The following TANC1 variants were observed in gnomAD, a reference collection of about 807,000 sequenced individuals.
TANC1 encodes protein TANC1.
Under a neutral mutation model 149.7 loss-of-function variants are expected in TANC1, and 77 were observed. The ratio of observed to expected loss-of-function variants is 0.51; its 90% CI spans 0.43 to 0.62. TANC1 has a LOEUF of 0.62. Ranked by LOEUF, TANC1 falls within the 20% of genes least tolerant of loss-of-function variation. The probability of loss-of-function intolerance (pLI) is 0.00; values close to 1 mark genes in which losing one functional copy is unlikely to be tolerated. For synonymous variants in TANC1, 854 were observed against 925.0 expected (o/e 0.92, Z 1.39); for missense variants, 1,985 against 2,321.8 (o/e 0.85, Z 2.98).
At chr2:159,077,527 A>T in intron 3 of TANC1, among the ~76,000 whole-genome samples, 1 of 152,234 alleles carries the variant, frequency 6.6e-6, no homozygotes, top group East Asian at 1.9e-4. Flanking sequence ...ATGTATGTGC[A>T]TATGGACACA....
intron 8 of TANC1, among the ~76,000 whole-genome samples, chr2:159,166,358 T>C (rs1042644665): frequency 1.3e-5 from 2 of 152,198 alleles, no homozygotes; most frequent in African/African-American, 2.4e-5. Flanking sequence ...ATGTTCTTCT[T>C]TGTTCAGCTT....
At position 159,230,908 on chromosome 2, in the gene TANC1, C is replaced by T. The variant is rs1172529359; in HGVS notation, c.5482C>T (p.Gln1828Ter). 8.7e-6 allele frequency: 14 copies of T among 1,614,052 alleles called. No individual in the cohort carries two copies. Among genetic ancestry groups the T allele is most frequent in the Non-Finnish European group, 1.2e-5 (14 of 1,180,038 alleles). Residue 1828 changes from glutamine (Q) to a stop codon, truncating the protein, a stop_gained, in exon 27 of 27, where the codon CAG (glutamine) becomes TAG (stop). Transcript: ENST00000263635. LOFTEE classifies it high-confidence loss of function. The surrounding 1 kb of genome is among the most constrained non-coding windows in gnomAD (Gnocchi z 4.4). ...AACTAAGACTGTTTCTCATCTGTACCAGGAAAGTATCTCCAAACAGCAGCC... is the reference window on the plus strand; with the variant it reads ...AACTAAGACTGTTTCTCATCTGTACTAGGAAAGTATCTCCAAACAGCAGCC... Reference protein sequence around the residue: ...RITKTVSHLYQESISKQQPHI... With the variant: ...RITKTVSHLY
chr2:159,063,085 T>G (rs1027626453), intron 2 of TANC1, among the ~76,000 whole-genome samples: 1 of 151,524 alleles, frequency 6.6e-6, no homozygotes, highest in Non-Finnish European at 1.5e-5. Context: ...AGCCAGACAG[T>G]TGTGTGAACT....
intron 3 of TANC1, among the ~76,000 whole-genome samples, chr2:159,084,317 T>C (rs1018318964): frequency 1.3e-5 from 2 of 152,162 alleles, no homozygotes; most frequent in African/African-American, 4.8e-5. Flanking sequence ...AATACAGGCC[T>C]GGGAAAGACC....
In TANC1 at chr2:159,219,856, G is replaced by A. The variant is rs372839518; in HGVS notation, c.3667G>A (p.Asp1223Asn). The A allele has an allele frequency of 2.6e-5, 42 of 1,612,954 alleles. No homozygotes were observed. Among genetic ancestry groups the A allele is most frequent in the Middle Eastern group, 1.9e-4 (1 of 5,240 alleles). ...CTTGGACCTGGCTGCCTTCTATGGC[G>A]ATGCCGAGACTGTGAGTACCAGCAG... The part of the protein sequence containing the change: ...TPLDLAAFYG[D>N]AETVLYLVEK... Residue 1223 changes from aspartate to asparagine, a missense_variant, in exon 22 of 27, where the codon GAT becomes AAT. Asp to Asn is a conservative substitution (Grantham distance 23, BLOSUM62 1). Coordinates refer to ENST00000263635, the MANE Select transcript of TANC1 (RefSeq NM_033394.3).
chr2:159,229,569 C>G lies in TANC1; in HGVS notation c.4152-9C>G, dbSNP rs755205290. 1.9e-6 allele frequency: 3 copies of G among 1,604,646 alleles called. No individual in the cohort carries two copies. Among genetic ancestry groups the G allele is most frequent in the Admixed American group, 1.7e-5 (1 of 58,484 alleles). On this transcript the variant is annotated splice_polypyrimidine_tract_variant and intron_variant, in intron 26 of 26. Coordinates refer to ENST00000263635, the MANE Select transcript of TANC1 (RefSeq NM_033394.3). ...GGTTTGTAATGTTACCTTACATTTT[C>G]CTACAAAGGCAATTCGTGGCAGCTC...
rs141755986 is a variant in TANC1 at position 159,024,579 on chromosome 2, C to T, written c.-16+23390C>T. Among the ~76,000 whole-genome samples the T allele has an allele frequency of 4.6e-5, 7 of 152,072 alleles. No individual in the cohort carries two copies. In the East Asian group the frequency reaches 5.8e-4, roughly 13 times the overall value. On this transcript the variant is annotated intron_variant, in intron 2 of 26. Transcript: ENST00000263635. ...CAGCCTGGCCAATATGGTGAAACCC[C>T]GTCTCTACTAAAAATATAAAAATTA... is the stretch of plus-strand genomic sequence containing the variant.
rs1227929794 is a variant in TANC1 at position 159,113,246 on chromosome 2, T to C, written c.259+15412T>C. On this transcript the variant is annotated intron_variant, in intron 4 of 26. Coordinates refer to ENST00000263635, the MANE Select transcript of TANC1 (RefSeq NM_033394.3). The stretch of plus-strand genomic sequence containing the variant: ...GTGCTGGGATTATGGGCATGAGAAG[T>C]TTAAGCAAATCTTAGCTGCATTAGA... Among the ~76,000 whole-genome samples the C allele has an allele frequency of 3.3e-5, 5 of 152,150 alleles. No individual in the cohort carries two copies. The East Asian group carries it at 9.6e-4, about 29-fold the overall frequency.
intron 17 of TANC1, among the ~76,000 whole-genome samples, chr2:159,196,207 ACTC>A (rs377349241): frequency 9.9e-5 from 15 of 151,860 alleles, no homozygotes; most frequent in African/African-American, 3.4e-4. Flanking sequence ...GAGTGGCTCT[ACTC>A]CTTCAAATTA....
chr2:158,981,296 G>GAAA (rs990286222), intron 1 of TANC1, among the ~76,000 whole-genome samples: 1 of 146,572 alleles, frequency 6.8e-6, no homozygotes, highest in African/African-American at 2.5e-5. Flanking sequence ...TATTGAAAGT[G>GAAA]AAAAAAAAAT....
chr2:159,228,100 A>T, intron 25 of TANC1, 135 bp downstream of exon 25: 1 of 955,330 alleles, frequency 1.0e-6, no homozygotes, highest in South Asian at 1.6e-5. Flanking sequence ...TGAACCTGGC[A>T]TGTGGGAAAC....
At position 159,166,427 on chromosome 2, in the gene TANC1, C is replaced by G. The variant is rs369963113; in HGVS notation, c.947-2823C>G. Among the ~76,000 whole-genome samples, 7 of 152,282 alleles carry G rather than the reference C, an allele frequency of 4.6e-5. No homozygotes were observed. In the East Asian group the frequency reaches 7.7e-4, roughly 17 times the overall value. ...CCACCCTCACCAAAAAACGGACTTTCCTCCACATCTTGAAATGTGCTTCTT... is the reference window on the plus strand; with the variant it reads ...CCACCCTCACCAAAAAACGGACTTTGCTCCACATCTTGAAATGTGCTTCTT... On this transcript the variant is annotated intron_variant, in intron 8 of 26. Coordinates refer to ENST00000263635, the MANE Select transcript of TANC1 (RefSeq NM_033394.3).
At chr2:158,997,204 G>C (rs1418813189) in intron 1 of TANC1, among the ~76,000 whole-genome samples, 1 of 152,162 alleles carries the variant, frequency 6.6e-6, no homozygotes, top group East Asian at 1.9e-4. Flanking sequence ...CAGGTTGACA[G>C]TTCCAACGCT....
intron 2 of TANC1, among the ~76,000 whole-genome samples, chr2:159,061,051 G>A (rs1034509872): frequency 6.6e-6 from 1 of 152,112 alleles, no homozygotes; most frequent in Non-Finnish European, 1.5e-5. Flanking sequence ...ACTTCTGGGG[G>A]GCTTAAAAGA....
At chr2:159,063,539 T>A (rs1349589288) in intron 2 of TANC1, among the ~76,000 whole-genome samples, 1 of 152,152 alleles carries the variant, frequency 6.6e-6, no homozygotes, top group African/African-American at 2.4e-5. Flanking sequence ...CTTTCCAGTC[T>A]GGGGGAGGGG....
At chr2:158,984,055 G>C (rs2034733050) in intron 1 of TANC1, among the ~76,000 whole-genome samples, 1 of 152,184 alleles carries the variant, frequency 6.6e-6, no homozygotes, top group Admixed American at 6.5e-5. Context: ...GCCAGGCAAG[G>C]ACTGACACTG....
chr2:159,181,277 A>G (rs1022302331), intron 14 of TANC1, among the ~76,000 whole-genome samples: 2 of 150,294 alleles, frequency 1.3e-5, no homozygotes, highest in Non-Finnish European at 3.0e-5. Flanking sequence ...TATGTACTTC[A>G]CTATACCCTC....
chr2:159,230,303 C>T lies in TANC1; in HGVS notation c.4877C>T (p.Thr1626Ile). 11 of 1,614,170 alleles carry T rather than the reference C, an allele frequency of 6.8e-6. No homozygotes were observed. The highest frequency in any genetic ancestry group is 9.3e-6 in the Non-Finnish European group (11 of 1,180,040). ...CACCCTTTACCAAGTAAGACGAAAA[C>T]CACAGAGAGGCTTCTGTCTCATTCC... is the stretch of plus-strand genomic sequence containing the variant. ...PAHPLPSKTKTTERLLSHSSV... is the reference protein window; with the variant it reads ...PAHPLPSKTKITERLLSHSSV... The change falls in exon 27 of 27, where the codon ACC (threonine) becomes ATC (isoleucine). Residue 1626 changes from threonine (T) to isoleucine (I), a missense_variant. By Grantham distance (89) the Thr-to-Ile change is moderately conservative (BLOSUM62 -1). Coordinates refer to ENST00000263635, the MANE Select transcript of TANC1 (RefSeq NM_033394.3). This position sits in a 1 kb window ranked among gnomAD's most constrained non-coding sequence, Gnocchi z 4.4.
intron 1 of TANC1, among the ~76,000 whole-genome samples, chr2:158,992,014 G>C (rs1310157435): frequency 6.6e-6 from 1 of 152,038 alleles, no homozygotes; most frequent in Non-Finnish European, 1.5e-5. Context: ...AATATTTTAA[G>C]AATTATAAAT....
Sources: gnomAD v4.1 joint callset for allele counts (sites outside exome capture counted in the v4.1 genomes callset) on GRCh38, gnomAD v4.1.1 for gene constraint, Gnocchi (gnomAD v3.1) non-coding constraint, MANE v1.5 for transcripts, NCBI Gene and HGNC (gene_info 2026-07-23, HGNC 2026-07-21) for gene names.